Variants in CDON observed in about 807,000 individuals in gnomAD.
CDON encodes cell adhesion associated, oncogene regulated.
CDON carries 73 observed loss-of-function variants against 120.9 expected under a neutral mutation model. The ratio of observed to expected loss-of-function variants is 0.60; its 90% CI spans 0.50 to 0.73. The LOEUF (loss-of-function observed/expected upper bound fraction) is 0.73, where lower values mean the gene tolerates loss of function less well. CDON is among the 30% of genes least tolerant of loss of function. The probability of loss-of-function intolerance (pLI) is 0.00; values close to 1 mark genes in which losing one functional copy is unlikely to be tolerated. For synonymous variants in CDON, 566 were observed against 573.5 expected (o/e 0.99, Z 0.19); for missense variants, 1,470 against 1,587.3 (o/e 0.93, Z 1.26).
At position 125,956,851 on chromosome 11, in the gene CDON, A is replaced by T. The variant is rs766710706; in HGVS notation, c.*4091T>A. The T allele has an allele frequency of 7.1e-6, 7 of 986,376 alleles. No individual in the cohort carries two copies. Among genetic ancestry groups the T allele is most frequent in the Non-Finnish European group, 7.2e-6 (6 of 830,620 alleles). The allele number at this position is 986,376 out of a possible 1,614,324, so 61.1% of individuals were successfully genotyped here. On this transcript the variant is annotated 3_prime_UTR_variant, in exon 20 of 20. Coordinates refer to ENST00000531738, the MANE Select transcript of CDON (RefSeq NM_001378964.1). Reference sequence around the variant, plus strand: ...TTCTCACAGAGTTAGACTTTATTAGATAAGGGGTTTCGGCTACCCTCAAAG... The same window carrying T: ...TTCTCACAGAGTTAGACTTTATTAGTTAAGGGGTTTCGGCTACCCTCAAAG...
chr11:126,054,461 T>A (rs1054686565), intron 1 of CDON, among the ~76,000 whole-genome samples: 1 of 152,246 alleles, frequency 6.6e-6, no homozygotes, highest in African/African-American at 2.4e-5. Flanking sequence ...TTTTTCTTTA[T>A]CTAAAGCTTT....
intron 11 of CDON, among the ~76,000 whole-genome samples, chr11:126,000,012 T>C (rs572802602): frequency 2.0e-5 from 3 of 152,328 alleles, no homozygotes; most frequent in Admixed American, 1.3e-4. Flanking sequence ...CCTTTGAAGT[T>C]TAGCTTATGA....
intron 18 of CDON, among the ~76,000 whole-genome samples, chr11:125,970,277 C>A (rs1945941586): frequency 6.7e-6 from 1 of 149,872 alleles, no homozygotes; most frequent in African/African-American, 2.5e-5. Flanking sequence ...CGGATTCAAG[C>A]AATTCTCCTG....
intron 18 of CDON, among the ~76,000 whole-genome samples, chr11:125,964,319 C>A (rs1035202981): frequency 5.9e-5 from 9 of 152,124 alleles, no homozygotes; most frequent in African/African-American, 2.2e-4. Context: ...TGCTAAATAC[C>A]TTCCTTAGGT....
At chr11:126,018,182 G>T in intron 5 of CDON, 148 bp downstream of exon 5, 1 of 798,168 alleles carries the variant, frequency 1.3e-6, no homozygotes, top group East Asian at 2.7e-5. Context: ...TCACAGGGGT[G>T]ACCCACCACA....
intron 18 of CDON, among the ~76,000 whole-genome samples, chr11:125,968,461 C>A (rs1275464077): frequency 6.6e-6 from 1 of 152,182 alleles, no homozygotes; most frequent in Non-Finnish European, 1.5e-5. Context: ...GGCGCAAGGG[C>A]CAACCACAAG....
At chr11:126,040,725 G>A (rs865976022) in intron 1 of CDON, among the ~76,000 whole-genome samples, 7 of 145,186 alleles carry the variant, frequency 4.8e-5, no homozygotes, top group African/African-American at 1.5e-4. Flanking sequence ...TGAGGCAGGA[G>A]AATGGCGTGA....
chr11:126,031,828 CCACCCGTGAAGGAATTGCT>C (rs1947952489), intron 1 of CDON, among the ~76,000 whole-genome samples: 1 of 152,216 alleles, frequency 6.6e-6, no homozygotes, highest in Non-Finnish European at 1.5e-5. Flanking sequence ...TGACTCTACA[CCACCCGTGAAGGAATTGCT>C]CACCATTCCT....
At chr11:126,041,189 A>T (rs1270954159) in intron 1 of CDON, among the ~76,000 whole-genome samples, 3 of 102,268 alleles carry the variant, frequency 2.9e-5, no homozygotes, top group South Asian at 3.0e-4. Flanking sequence ...GAGACTGTCT[A>T]AAAAAAAAAA....
intron 18 of CDON, among the ~76,000 whole-genome samples, chr11:125,966,735 T>C (rs937371781): frequency 2.0e-5 from 3 of 152,146 alleles, no homozygotes; most frequent in African/African-American, 7.2e-5. Flanking sequence ...AAGAAAAAGA[T>C]GTATTACCTT....
At chr11:126,006,318 C>G (rs1555124427) in intron 8 of CDON, among the ~76,000 whole-genome samples, 1 of 152,056 alleles carries the variant, frequency 6.6e-6, no homozygotes, top group South Asian at 2.1e-4. Flanking sequence ...TTATTTTTTC[C>G]TTGTTCTCTA....
intron 18 of CDON, among the ~76,000 whole-genome samples, chr11:125,963,362 T>G (rs1591540950): frequency 6.6e-6 from 1 of 152,200 alleles, no homozygotes; most frequent in East Asian, 1.9e-4. Flanking sequence ...CACTGGGCTT[T>G]GATTTGGACA....
At position 125,983,967 on chromosome 11, in the gene CDON, A is replaced by G; in HGVS notation, c.2900T>C (p.Leu967Pro). Residue 967 changes from leucine (L) to proline (P), a missense_variant, in exon 16 of 20, where the codon CTG becomes CCG. Coordinates refer to ENST00000531738, the MANE Select transcript of CDON (RefSeq NM_001378964.1). Reference protein sequence around the residue: ...SPARSSDMLYLIVGCVLGVMV... With the variant: ...SPARSSDMLYPIVGCVLGVMV... ...GACGCCCAGCACACAGCCAACGATC[A>G]GATATAACATGTCACTGCTTCTGGC... is the stretch of plus-strand genomic sequence containing the variant. 6.2e-7 allele frequency: 1 copy of G among 1,614,220 alleles called. No individual in the cohort carries two copies. Among genetic ancestry groups the G allele is most frequent in the East Asian group, 2.2e-5 (1 of 44,878 alleles).
intron 13 of CDON, 60 bp from the exon 14 acceptor site, chr11:125,994,449 T>C: frequency 1.1e-6 from 1 of 929,588 alleles, no homozygotes; most frequent in Non-Finnish European, 1.8e-6. Flanking sequence ...TCTCATTCAT[T>C]AAGGTTTCTT....
intron 1 of CDON, among the ~76,000 whole-genome samples, chr11:126,044,441 C>T (rs943174930): frequency 1.2e-4 from 18 of 152,238 alleles, no homozygotes; most frequent in Middle Eastern, 3.4e-3. Flanking sequence ...TGCATCCCCA[C>T]GTTTATCACA....
intron 1 of CDON, among the ~76,000 whole-genome samples, chr11:126,039,599 G>C (rs1464718413): frequency 1.3e-5 from 2 of 152,140 alleles, no homozygotes; most frequent in South Asian, 2.1e-4. Flanking sequence ...AAATCAGTAG[G>C]ATTATACTAC....
At chr11:126,056,960 C>T (rs567134422) in intron 1 of CDON, among the ~76,000 whole-genome samples, 10 of 152,280 alleles carry the variant, frequency 6.6e-5, no homozygotes, top group Middle Eastern at 3.4e-3. Context: ...TTCTGTACAA[C>T]GCTAAGTGTT....
At chr11:126,029,064 A>C (rs1947879285) in intron 1 of CDON, among the ~76,000 whole-genome samples, 2 of 152,148 alleles carry the variant, frequency 1.3e-5, no homozygotes, top group Admixed American at 1.3e-4. Flanking sequence ...AAATTGGCAC[A>C]TGAAGGTAAC....
chr11:125,977,118 G>A (rs1258979859), intron 18 of CDON, among the ~76,000 whole-genome samples: 1 of 152,220 alleles, frequency 6.6e-6, no homozygotes, highest in Non-Finnish European at 1.5e-5. Flanking sequence ...CTACGGTAAA[G>A]TCCATGAAAA....
Sources: gnomAD v4.1 joint callset for allele counts (sites outside exome capture counted in the v4.1 genomes callset) on GRCh38, gnomAD v4.1.1 for gene constraint, MANE v1.5 for transcripts, NCBI Gene and HGNC (gene_info 2026-07-23, HGNC 2026-07-21) for gene names.